The following RUFY1 variants were observed in gnomAD, a reference collection of about 807,000 sequenced individuals.
RUFY1 encodes RUN and FYVE domain containing 1.
A neutral mutation model predicts 94.6 loss-of-function variants in RUFY1; 54 were observed. That is an observed-to-expected ratio of 0.57 (90% CI 0.46 to 0.72). The LOEUF (loss-of-function observed/expected upper bound fraction) is 0.72, where lower values mean the gene tolerates loss of function less well. RUFY1 is among the 30% of genes least tolerant of loss of function. The probability of loss-of-function intolerance (pLI) is 0.00; values close to 1 mark genes in which losing one functional copy is unlikely to be tolerated. For synonymous variants in RUFY1, 396 were observed against 347.3 expected, an observed-to-expected ratio of 1.14 and a Z score of -1.56; for missense variants, 883 against 883.9, an observed-to-expected ratio of 1.00 and a Z score of 0.01.
chr5:179,597,035 T>C (rs1214207178), intron 13 of RUFY1: 1 of 235,132 alleles, frequency 4.3e-6, no homozygotes, highest in Admixed American at 5.0e-5. Flanking sequence ...GCAAGCTTCA[T>C]ATAATTTTGT....
At chr5:179,597,932 A>G (rs138167654) in intron 13 of RUFY1, among the ~76,000 whole-genome samples, 2,156 of 152,178 alleles carry the variant, frequency 0.014, 62 homozygotes, top group African/African-American at 0.048. Flanking sequence ...GCTCACGCCC[A>G]TAATCCCAGC....
intron 3 of RUFY1, among the ~76,000 whole-genome samples, chr5:179,563,951 C>T (rs1762630919): frequency 1.3e-5 from 2 of 151,492 alleles, no homozygotes; most frequent in South Asian, 4.2e-4. Flanking sequence ...GGATTACAGG[C>T]GTGAGCCACC....
chr5:179,583,257 G>A lies in RUFY1; in HGVS notation c.956+2245G>A, dbSNP rs534780519. On this transcript the variant is annotated intron_variant, in intron 7 of 17. Transcript: ENST00000319449. ...AGAGGTTGTGGTGAGCTGAGATTGC[G>A]CCACTGCACTCCAGCCTGGGTGACA... Among the ~76,000 whole-genome samples, 35 of 150,252 alleles carry A rather than the reference G, an allele frequency of 2.3e-4. No individual in the cohort carries two copies. The South Asian group carries it at 6.4e-3, about 28-fold the overall frequency.
At position 179,581,002 on chromosome 5, in the gene RUFY1, C is replaced by A; in HGVS notation, c.946C>A (p.Arg316=). The change falls in exon 7 of 18, where the codon CGG becomes AGG. Residue 316 remains arginine, a synonymous_variant. Coordinates refer to ENST00000319449, the MANE Select transcript of RUFY1 (RefSeq NM_025158.5). The part of the protein sequence containing the change: ...DQKNYVEELN[R]HLSCTVGDLQ... Reference sequence around the variant, plus strand: ...AAAAAATTATGTGGAAGAACTTAACCGGCACTTGAGGTAAGACTCCTTTTT... The same window carrying A: ...AAAAAATTATGTGGAAGAACTTAACAGGCACTTGAGGTAAGACTCCTTTTT... 1 of 1,603,950 alleles carries A rather than the reference C, an allele frequency of 6.2e-7. No individual in the cohort carries two copies. The highest frequency in any genetic ancestry group is 8.5e-7 in the Non-Finnish European group (1 of 1,172,742).
intron 8 of RUFY1, among the ~76,000 whole-genome samples, chr5:179,586,160 C>T (rs1394738592): frequency 2.6e-5 from 4 of 152,188 alleles, no homozygotes; most frequent in Non-Finnish European, 5.9e-5. Flanking sequence ...GTGGAAGTGC[C>T]GTGTCTTCCT....
intron 6 of RUFY1, 82 bp downstream of exon 6, chr5:179,577,218 C>A: frequency 1.1e-6 from 1 of 870,502 alleles, no homozygotes; most frequent in Non-Finnish European, 1.7e-6. Flanking sequence ...GTCGCCCAGG[C>A]TGGAGTCCAG....
Position 179,560,191 on chromosome 5 carries a change from G to A in RUFY1, c.477G>A (p.Gly159=). 5 of 1,613,054 alleles carry A rather than the reference G, an allele frequency of 3.1e-6. No homozygotes were observed. Among genetic ancestry groups the A allele is most frequent in the Admixed American group, 1.7e-5 (1 of 59,946 alleles). The part of the protein sequence containing the change: ...FVVMEHCLKH[G]LKVKKSFIGQ... ...TGATGGAGCACTGCCTCAAACATGGGCTGAAAGGTGAGCCTGAGGGGGCGT... is the reference window on the plus strand; with the variant it reads ...TGATGGAGCACTGCCTCAAACATGGACTGAAAGGTGAGCCTGAGGGGGCGT... Residue 159 remains glycine (G), a synonymous_variant, in exon 2 of 18, where the codon GGG becomes GGA. Transcript: ENST00000319449.
intron 4 of RUFY1, chr5:179,569,035 C>T (rs1179954869): frequency 1.0e-5 from 10 of 984,950 alleles, no homozygotes; most frequent in African/African-American, 5.3e-5. Flanking sequence ...CAAGAGGAGA[C>T]GAGGAGAACT....
intron 10 of RUFY1, 104 bp downstream of exon 10, chr5:179,591,845 G>A: frequency 1.5e-6 from 1 of 681,084 alleles, no homozygotes; most frequent in Non-Finnish European, 2.4e-6. Flanking sequence ...GTCATAGAAA[G>A]TCAGAAGCTG....
At position 179,567,545 on chromosome 5, in the gene RUFY1, C is replaced by T; in HGVS notation, c.687C>T (p.Asp229=). ...KLADYLKVLI[D]NKHLLSEFYE... ...CAGATTATCTGAAAGTGCTTATAGACAATAAACATCTCTTAAGGTATTTCA... is the reference window on the plus strand; with the variant it reads ...CAGATTATCTGAAAGTGCTTATAGATAATAAACATCTCTTAAGGTATTTCA... Residue 229 remains aspartate (D), a synonymous_variant, in exon 4 of 18, where the codon GAC becomes GAT. Coordinates refer to ENST00000319449, the MANE Select transcript of RUFY1 (RefSeq NM_025158.5). The T allele has an allele frequency of 6.2e-7, 1 of 1,607,496 alleles. No homozygotes were observed. Among genetic ancestry groups the T allele is most frequent in the Non-Finnish European group, 8.5e-7 (1 of 1,173,952 alleles).
At chr5:179,604,277 C>T (rs1766789777) in intron 15 of RUFY1, among the ~76,000 whole-genome samples, 1 of 152,108 alleles carries the variant, frequency 6.6e-6, no homozygotes, top group African/African-American at 2.4e-5. Context: ...CAAGCCTATA[C>T]CGGATGACAG....
At chr5:179,592,480 C>G (rs979843959) in intron 10 of RUFY1, among the ~76,000 whole-genome samples, 1 of 152,156 alleles carries the variant, frequency 6.6e-6, no homozygotes, top group African/African-American at 2.4e-5. Context: ...TCTTGAACTC[C>G]TGACCTCGTG....
chr5:179,567,523 AT>A lies in RUFY1; in HGVS notation c.667del (p.Tyr223IlefsTer2). ...GCACTCATGCAAAAGAAACTGGCAG[AT>A]TATCTGAAAGTGCTTATAGACAATA... Reference protein sequence around the residue: ...YLALMQKKLADYLKVLIDNKH... With the variant: ...YLALMQKKLAXYLKVLIDNKH... On this transcript the variant is annotated frameshift_variant, in exon 4 of 18. Transcript: ENST00000319449. LOFTEE classifies it high-confidence loss of function. 1.2e-6 allele frequency: 2 copies of A among 1,613,974 alleles called. No homozygotes were observed. Among genetic ancestry groups the A allele is most frequent in the Non-Finnish European group, 1.7e-6 (2 of 1,179,790 alleles).
rs921653822 is a variant in RUFY1, at chr5:179,609,701, C to T, written c.*182C>T. On this transcript the variant is annotated 3_prime_UTR_variant, in exon 18 of 18. Transcript: ENST00000319449. ...AGCTCTCACCTTTCTGTGACTTGTT[C>T]GGAATTAACTCCTCTGGATGGAAAC... The T allele has an allele frequency of 8.9e-6, 5 of 559,210 alleles. No individual in the cohort carries two copies. Among genetic ancestry groups the T allele is most frequent in the South Asian group, 2.5e-5 (1 of 39,264 alleles). The allele number at this position is 559,210 out of a possible 1,614,324, so 34.6% of individuals were successfully genotyped here. A position where few individuals can be genotyped will look rare whatever the true frequency, so the allele number is the denominator to read the frequency against.
chr5:179,551,070 G>A (rs1020517142), intron 1 of RUFY1, among the ~76,000 whole-genome samples, 191 bp downstream of exon 1: 3 of 147,718 alleles, frequency 2.0e-5, no homozygotes, highest in African/African-American at 7.3e-5. Flanking sequence ...GCCCCCCGCA[G>A]CCCCGCGTGC....
chr5:179,600,684 CTTTTTTTTT>C (rs398000079), intron 14 of RUFY1, among the ~76,000 whole-genome samples: 33 of 54,702 alleles, frequency 6.0e-4, no homozygotes, highest in African/African-American at 2.3e-3. Context: ...ATGATGGTAA[CTTTTTTTTT>C]TTTTTTTTTT....
intron 4 of RUFY1, 76 bp downstream of exon 4, chr5:179,567,638 C>A: frequency 9.8e-7 from 1 of 1,016,260 alleles, no homozygotes; most frequent in Non-Finnish European, 1.5e-6. Flanking sequence ...GTGGCTCACA[C>A]CTGTAATCCC....
rs201059136 is a variant in RUFY1, at chr5:179,605,869, T to C, written c.1857-7T>C. The C allele has an allele frequency of 1.6e-4, 248 of 1,599,740 alleles. No homozygotes were observed. The highest frequency in any genetic ancestry group is 3.6e-4 in the East Asian group (16 of 44,774). On this transcript the variant is annotated splice_region_variant and splice_polypyrimidine_tract_variant and intron_variant, in intron 15 of 17. Coordinates refer to ENST00000319449, the MANE Select transcript of RUFY1 (RefSeq NM_025158.5). ...CTGCTATGAAATGGCCTTTTTTTTT[T>C]CCTTAGGTCCAAGCTGAAGATGGAA...
intron 17 of RUFY1, among the ~76,000 whole-genome samples, chr5:179,607,872 G>A (rs1562127088): frequency 6.6e-6 from 1 of 152,232 alleles, no homozygotes; most frequent in African/African-American, 2.4e-5. Context: ...CCAGTCATAG[G>A]CCCCTGGTCT....
Sources: allele counts gnomAD v4.1 joint callset (sites outside exome capture counted in the v4.1 genomes callset), GRCh38; gene constraint gnomAD v4.1.1; transcripts MANE v1.5; gene names NCBI Gene and HGNC (gene_info 2026-07-23, HGNC 2026-07-21).